The following MYBPC1 variants were observed in gnomAD, a reference collection of about 807,000 sequenced individuals.
MYBPC1 encodes myosin binding protein C1.
A neutral mutation model predicts 147.1 loss-of-function variants in MYBPC1; 52 were observed. The ratio of observed to expected loss-of-function variants is 0.35; its 90% CI spans 0.28 to 0.45. The LOEUF (loss-of-function observed/expected upper bound fraction) is 0.45. Ranked by LOEUF, MYBPC1 falls within the 20% of genes least tolerant of loss-of-function variation. The pLI is 1.00. For missense variants in MYBPC1, 1,228 were observed against 1,440.3 expected, an observed-to-expected ratio of 0.85 and a Z score of 2.39; for synonymous variants, 477 against 475.9, an observed-to-expected ratio of 1.00 and a Z score of -0.03.
At position 101,649,312 on chromosome 12, in the gene MYBPC1, A is replaced by G; in HGVS notation, c.1249A>G (p.Arg417Gly). 2 of 1,613,880 alleles carry G rather than the reference A, an allele frequency of 1.2e-6. No homozygotes were observed. The highest frequency in any genetic ancestry group is 1.7e-6 in the Non-Finnish European group (2 of 1,179,764). The change falls in exon 15 of 32, where the codon AGA becomes GGA. Residue 417 changes from arginine (R) to glycine (G), a missense_variant. Arg to Gly is a moderately radical substitution (Grantham distance 125). Coordinates refer to ENST00000361466, the MANE Select transcript of MYBPC1 (RefSeq NM_002465.4). ...IPGPKSRYRIRVEGKKHILII... is the reference protein window; with the variant it reads ...IPGPKSRYRIGVEGKKHILII... ...TGGTCCAAAATCAAGATACCGAATT[A>G]GAGTTGAGGGTAAAAAACACATCTT...
chr12:101,649,523 G>C, intron 15 of MYBPC1, 97 bp downstream of exon 15: 1 of 1,394,834 alleles, frequency 7.2e-7, no homozygotes, highest in Non-Finnish European at 1.0e-6. Context: ...TTCTATTTGC[G>C]ATGATTTTTA....
chr12:101,685,755 T>C lies in MYBPC1; in HGVS notation c.*193T>C. On this transcript the variant is annotated 3_prime_UTR_variant, in exon 32 of 32. Coordinates refer to ENST00000361466, the MANE Select transcript of MYBPC1 (RefSeq NM_002465.4). ...GGTTGAAATGAGAAAAAGCATTTTC[T>C]GTTTTCCCACCAGGCCCCCAAGTGT... is the stretch of plus-strand genomic sequence containing the variant. 1 of 1,144,612 alleles carries C rather than the reference T, an allele frequency of 8.7e-7. No homozygotes were observed. The highest frequency in any genetic ancestry group is 1.5e-5 in the South Asian group (1 of 64,832). The allele number at this position is 1,144,612 out of a possible 1,614,324, so 70.9% of individuals were successfully genotyped here.
chr12:101,647,790 G>A (rs1893527628), intron 13 of MYBPC1, among the ~76,000 whole-genome samples: 1 of 152,190 alleles, frequency 6.6e-6, no homozygotes, highest in Non-Finnish European at 1.5e-5. Context: ...AGGAGGCTGA[G>A]GCAGGAGAAT....
At chr12:101,675,577 G>A in intron 26 of MYBPC1, 146 bp downstream of exon 26, 1 of 1,233,182 alleles carries the variant, frequency 8.1e-7, no homozygotes. Flanking sequence ...AAGACCTGTG[G>A]AGCCACAGAG....
chr12:101,689,496 G>A (rs1397424871), downstream of MYBPC1, among the ~76,000 whole-genome samples: 2 of 152,144 alleles, frequency 1.3e-5, no homozygotes, highest in East Asian at 1.9e-4. Flanking sequence ...TGGACCTGGG[G>A]TCTTTCAGTC....
At position 101,648,117 on chromosome 12, in the gene MYBPC1, G is replaced by A; in HGVS notation, c.1163G>A (p.Cys388Tyr). The A allele has an allele frequency of 6.2e-7, 1 of 1,612,676 alleles. No homozygotes were observed. The highest frequency in any genetic ancestry group is 8.5e-7 in the Non-Finnish European group (1 of 1,178,834). Residue 388 changes from cysteine to tyrosine, a missense_variant, in exon 14 of 32, where the codon TGT becomes TAT. Physicochemically the swap from Cys to Tyr is radical, Grantham distance 194. Around this residue, in one of 2 missense-constraint regions of MYBPC1, gnomAD observed 1,077 missense variants for 1,314.2 expected, o/e 0.82. Coordinates refer to ENST00000361466, the MANE Select transcript of MYBPC1 (RefSeq NM_002465.4). ...AYCGERVELE[C>Y]EVSEDDANVK... ...TGTGGGGAGAGAGTGGAATTAGAAT[G>A]TGAGGTGTCTGAAGATGATGCCAAT...
intron 16 of MYBPC1, 117 bp from the exon 17 acceptor site, chr12:101,652,561 C>CCTCT: frequency 1.4e-6 from 1 of 691,626 alleles, no homozygotes; most frequent in Non-Finnish European, 2.6e-6. Flanking sequence ...TCTCTCTCTC[C>CCTCT]CTCTCTTTCC....
At chr12:101,665,433 C>A (rs963984787) in intron 22 of MYBPC1, among the ~76,000 whole-genome samples, 1 of 151,854 alleles carries the variant, frequency 6.6e-6, no homozygotes, top group Admixed American at 6.6e-5. Context: ...TAAGAGAATT[C>A]TTTGTTTTGT....
chr12:101,677,522 G>A, intron 27 of MYBPC1, 128 bp downstream of exon 27: 1 of 1,128,778 alleles, frequency 8.9e-7, no homozygotes, highest in Non-Finnish European at 1.3e-6. Flanking sequence ...TTATGATAAT[G>A]GTGTTCAAGT....
chr12:101,671,768 G>C (rs1368943361), intron 24 of MYBPC1, among the ~76,000 whole-genome samples: 1 of 152,146 alleles, frequency 6.6e-6, no homozygotes, highest in Non-Finnish European at 1.5e-5. Context: ...CTGTCACTGA[G>C]TCTGAGAGAG....
intron 11 of MYBPC1, 150 bp downstream of exon 11, chr12:101,642,735 G>GAC (rs1892332394): frequency 1.2e-6 from 1 of 802,148 alleles, no homozygotes; most frequent in African/African-American, 1.7e-5. Flanking sequence ...TGTCTAGACG[G>GAC]ACAGCTCCTG....
intron 19 of MYBPC1, among the ~76,000 whole-genome samples, chr12:101,660,775 G>C (rs1286412990): frequency 6.6e-6 from 1 of 152,012 alleles, no homozygotes; most frequent in Non-Finnish European, 1.5e-5. Context: ...ATGGTGGAAG[G>C]TGAAAGCCAT....
At chr12:101,649,779 A>T (rs1306505935) in intron 15 of MYBPC1, among the ~76,000 whole-genome samples, 1 of 152,230 alleles carries the variant, frequency 6.6e-6, no homozygotes, top group South Asian at 2.1e-4. Context: ...CTCTGCAATT[A>T]CATTTGGCAT....
chr12:101,612,047 A>G (rs554374497), intron 1 of MYBPC1, among the ~76,000 whole-genome samples: 91 of 151,290 alleles, frequency 6.0e-4, no homozygotes, highest in African/African-American at 2.1e-3. Flanking sequence ...ACTGCACTCC[A>G]GCCTGGCGAC....
intron 24 of MYBPC1, among the ~76,000 whole-genome samples, chr12:101,672,931 T>A (rs1899039615): frequency 6.6e-6 from 1 of 152,140 alleles, no homozygotes; most frequent in Non-Finnish European, 1.5e-5. Context: ...TTATAACCAC[T>A]CTTTGAGATA....
intron 3 of MYBPC1, among the ~76,000 whole-genome samples, chr12:101,621,253 A>G (rs1204662419): frequency 1.3e-5 from 2 of 152,212 alleles, no homozygotes; most frequent in Non-Finnish European, 2.9e-5. Context: ...GAACTTTGTT[A>G]AAAATTAATG....
In MYBPC1 at chr12:101,670,390, A is replaced by G. The variant is rs201329392; in HGVS notation, c.2594A>G (p.Asn865Ser). Residue 865 changes from asparagine (N) to serine (S), a missense_variant, in exon 24 of 32, where the codon AAT (asparagine) becomes AGT (serine). Physicochemically the swap from Asn to Ser is conservative, Grantham distance 46. Transcript: ENST00000361466. ...TYIRRVGEAV[N>S]LVIPFQGKPR... ...ATCCGCAGAGTTGGAGAAGCTGTCA[A>G]TCTGGTTATACCTTTCCAGGTAAGA... 9.3e-6 allele frequency: 15 copies of G among 1,613,890 alleles called. No individual in the cohort carries two copies. Among genetic ancestry groups the G allele is most frequent in the Non-Finnish European group, 1.3e-5 (15 of 1,179,778 alleles).
At chr12:101,666,830 T>C in intron 22 of MYBPC1, 2 of 1,587,672 alleles carry the variant, frequency 1.3e-6, no homozygotes, top group South Asian at 1.1e-5. Flanking sequence ...CAAATTTTCT[T>C]ACTATATTAT....
chr12:101,620,760 AT>A (rs1187519497), intron 3 of MYBPC1, among the ~76,000 whole-genome samples: 3 of 152,192 alleles, frequency 2.0e-5, no homozygotes, highest in African/African-American at 7.2e-5. Context: ...ACCTGTACTC[AT>A]TTCCATGCCT....
Sources: gnomAD v4.1 joint callset for allele counts (sites outside exome capture counted in the v4.1 genomes callset) on GRCh38, gnomAD v4.1.1 for gene constraint, gnomAD v4.1.1 regional missense constraint, MANE v1.5 for transcripts, NCBI Gene and HGNC (gene_info 2026-07-23, HGNC 2026-07-21) for gene names.